ALDH1A1: variants seen among roughly 807,000 people sequenced by gnomAD.
ALDH1A1 encodes aldehyde dehydrogenase 1 family member A1, also known as aldehyde dehydrogenase 1A1.
A neutral mutation model predicts 62.1 loss-of-function variants in ALDH1A1; 19 were observed. The observed-to-expected ratio is 0.31, with a 90% CI of 0.21 to 0.45. The LOEUF (loss-of-function observed/expected upper bound fraction) is 0.45. Among genes scored for constraint, ALDH1A1 ranks in the 20% least tolerant of loss-of-function variants. The probability of loss-of-function intolerance (pLI) is 1.00; values close to 1 mark genes in which losing one functional copy is unlikely to be tolerated. For missense variants in ALDH1A1, 521 were observed against 607.1 expected, an observed-to-expected ratio of 0.86 and a Z score of 1.49; for synonymous variants, 231 against 215.9, an observed-to-expected ratio of 1.07 and a Z score of -0.61.
rs1829799266 is a variant in ALDH1A1 at position 72,901,194 on chromosome 9, C to A, written c.*14G>T. The A allele has an allele frequency of 6.3e-7, 1 of 1,581,984 alleles. No homozygotes were observed. The highest frequency in any genetic ancestry group is 8.7e-7 in the Non-Finnish European group (1 of 1,152,642). On this transcript the variant is annotated 3_prime_UTR_variant, in exon 13 of 13. Coordinates refer to ENST00000297785, the MANE Select transcript of ALDH1A1 (RefSeq NM_000689.5). ...TTAGCTATTGAAGAGCTTCTCTCCA[C>A]TCTTGTATTTTCTTTATGAGTTCTT... is the stretch of plus-strand genomic sequence containing the variant.
chr9:72,941,603 G>A (rs904525374), intron 1 of ALDH1A1, among the ~76,000 whole-genome samples: 1 of 152,048 alleles, frequency 6.6e-6, no homozygotes. Context: ...CAGCCCTCAA[G>A]CAATTTTAGC....
chr9:72,907,451 A>G lies in ALDH1A1; in HGVS notation c.1359-1419T>C, dbSNP rs1054478890. On this transcript the variant is annotated intron_variant, in intron 11 of 12. Coordinates refer to ENST00000297785, the MANE Select transcript of ALDH1A1 (RefSeq NM_000689.5). ...AAATTCCTGATCAGGGATTCCCAAG[A>G]CCCTCAGTGGGGTGATGTCATAACA... is the stretch of plus-strand genomic sequence containing the variant. Among the ~76,000 whole-genome samples, 4 of 152,282 alleles carry G rather than the reference A, an allele frequency of 2.6e-5. No homozygotes were observed. The East Asian group carries it at 7.7e-4, about 29-fold the overall frequency.
Position 72,929,013 on chromosome 9 carries a change from C to T in ALDH1A1, c.321G>A (p.Glu107=), listed in dbSNP as rs765042365. ...AATAGAGTTTTCCACCATTCATTGACTCCATTGTCTGAAAAACATGTCAAA... is the reference window on the plus strand; with the variant it reads ...AATAGAGTTTTCCACCATTCATTGATTCCATTGTCTGAAAAACATGTCAAA... The part of the protein sequence containing the change: ...ERDRLLLATM[E]SMNGGKLYSN... Residue 107 remains glutamate, a synonymous_variant, in exon 4 of 13, where the codon GAG becomes GAA. Coordinates refer to ENST00000297785, the MANE Select transcript of ALDH1A1 (RefSeq NM_000689.5). 2 of 1,611,476 alleles carry T rather than the reference C, an allele frequency of 1.2e-6. No homozygotes were observed. The highest frequency in any genetic ancestry group is 1.7e-6 in the Non-Finnish European group (2 of 1,179,324).
chr9:72,920,998 A>G (rs911442407), intron 7 of ALDH1A1, among the ~76,000 whole-genome samples: 2 of 152,242 alleles, frequency 1.3e-5, no homozygotes, highest in African/African-American at 4.8e-5. Context: ...CTGTAATCCC[A>G]GCACTCTGGG....
intron 1 of ALDH1A1, chr9:72,942,174 T>G (rs1830422511): frequency 1.9e-6 from 1 of 514,034 alleles, no homozygotes; most frequent in Non-Finnish European, 2.5e-6. Context: ...GAATCAACAC[T>G]CTAGCTATCA....
In ALDH1A1 at chr9:72,929,041, C is replaced by T; in HGVS notation, c.313-20G>A. The T allele has an allele frequency of 6.4e-7, 1 of 1,568,348 alleles. No individual in the cohort carries two copies. The highest frequency in any genetic ancestry group is 8.6e-7 in the Non-Finnish European group (1 of 1,163,260). Reference sequence around the variant, plus strand: ...CATTGTCTGAAAAACATGTCAAACACCAAATCTAAAATTCCATAAGTTTTA... The same window carrying T: ...CATTGTCTGAAAAACATGTCAAACATCAAATCTAAAATTCCATAAGTTTTA... On this transcript the variant is annotated intron_variant, in intron 3 of 12. Coordinates refer to ENST00000297785, the MANE Select transcript of ALDH1A1 (RefSeq NM_000689.5).
chr9:72,919,174 G>A (rs562491064), intron 7 of ALDH1A1, among the ~76,000 whole-genome samples: 12 of 152,274 alleles, frequency 7.9e-5, no homozygotes, highest in African/African-American at 2.9e-4. Context: ...CAGAGATATA[G>A]AACACGGATA....
At chr9:72,929,527 C>T (rs996841667) in intron 3 of ALDH1A1, among the ~76,000 whole-genome samples, 1 of 152,180 alleles carries the variant, frequency 6.6e-6, no homozygotes, top group African/African-American at 2.4e-5. Context: ...CCATGAATTT[C>T]CTTCAGCAGA....
chr9:72,924,440 GTGTT>G (rs977937451), intron 6 of ALDH1A1, among the ~76,000 whole-genome samples: 4 of 152,154 alleles, frequency 2.6e-5, no homozygotes, highest in African/African-American at 9.7e-5. Flanking sequence ...ATGTAAAAAA[GTGTT>G]TGGTAAGTTA....
intron 9 of ALDH1A1, among the ~76,000 whole-genome samples, chr9:72,912,986 T>C (rs545027713): frequency 4.6e-5 from 7 of 152,246 alleles, no homozygotes; most frequent in African/African-American, 1.7e-4. Context: ...GAGGGCTGCC[T>C]ATCTCAGGTG....
At chr9:72,931,339 C>T (rs1426783675) in intron 2 of ALDH1A1, among the ~76,000 whole-genome samples, 3 of 152,154 alleles carry the variant, frequency 2.0e-5, no homozygotes, top group South Asian at 2.1e-4. Context: ...TACCTATTAG[C>T]TCATTTAATT....
chr9:72,934,651 C>T (rs953806780), intron 2 of ALDH1A1, among the ~76,000 whole-genome samples: 1 of 152,178 alleles, frequency 6.6e-6, no homozygotes, highest in African/African-American at 2.4e-5. Context: ...TAAGACCCAG[C>T]TCAAATATCA....
intron 9 of ALDH1A1, among the ~76,000 whole-genome samples, chr9:72,914,056 T>G (rs1442674323): frequency 2.0e-5 from 3 of 152,186 alleles, no homozygotes; most frequent in Non-Finnish European, 4.4e-5. Context: ...CTGGGGCTCT[T>G]TCATGTGATG....
intron 1 of ALDH1A1, chr9:72,942,276 G>A (rs1830423334): frequency 1.0e-6 from 1 of 984,874 alleles, no homozygotes; most frequent in Admixed American, 6.2e-5. Flanking sequence ...GGGATGGCTG[G>A]GAAAGAACTT....
At chr9:72,949,059 A>G (rs1470085492) in intron 1 of ALDH1A1, among the ~76,000 whole-genome samples, 1 of 151,934 alleles carries the variant, frequency 6.6e-6, no homozygotes, top group African/African-American at 2.4e-5. Flanking sequence ...AAACAAAACC[A>G]GAAATCTAGG....
intron 12 of ALDH1A1, among the ~76,000 whole-genome samples, chr9:72,904,390 C>CATCCCCATAA (rs1235389943): frequency 2.0e-5 from 3 of 152,078 alleles, no homozygotes; most frequent in African/African-American, 7.2e-5. Flanking sequence ...TCATATTTTT[C>CATCCCCATAA]ATCCCCATAA....
chr9:72,912,227 T>A, intron 9 of ALDH1A1, 105 bp from the exon 10 acceptor site: 1 of 852,952 alleles, frequency 1.2e-6, no homozygotes, highest in Non-Finnish European at 1.8e-6. Flanking sequence ...ATATTGCAAT[T>A]AAACCAAATA....
chr9:72,909,894 G>A, intron 10 of ALDH1A1, 135 bp from the exon 11 acceptor site: 2 of 676,836 alleles, frequency 3.0e-6, no homozygotes, highest in South Asian at 2.7e-5. Flanking sequence ...CTATGTGTGA[G>A]AATCCAAATA....
chr9:72,940,771 T>C (rs1454118268), intron 1 of ALDH1A1, among the ~76,000 whole-genome samples: 1 of 152,190 alleles, frequency 6.6e-6, no homozygotes, highest in Non-Finnish European at 1.5e-5. Flanking sequence ...CATTGGCTTT[T>C]TAAAAGCATA....
Sources: allele counts gnomAD v4.1 joint callset (sites outside exome capture counted in the v4.1 genomes callset), GRCh38; gene constraint gnomAD v4.1.1; transcripts MANE v1.5; gene names NCBI Gene and HGNC (gene_info 2026-07-23, HGNC 2026-07-21).